MIER1: variants seen among roughly 807,000 people sequenced by gnomAD.
MIER1 encodes MIER1 transcriptional regulator.
A neutral mutation model predicts 75.7 loss-of-function variants in MIER1; 40 were observed. The ratio of observed to expected loss-of-function variants is 0.53; its 90% CI spans 0.41 to 0.69. MIER1 has a LOEUF of 0.69. Among genes scored for constraint, MIER1 ranks in the 30% least tolerant of loss-of-function variants. The pLI, the probability that MIER1 is intolerant of heterozygous loss-of-function variation, is 0.00. For missense variants in MIER1, 574 were observed against 680.2 expected, an observed-to-expected ratio of 0.84 and a Z score of 1.74; for synonymous variants, 213 against 223.4, an observed-to-expected ratio of 0.95 and a Z score of 0.42.
At chr1:66,958,277 T>G (rs1660566472) in intron 5 of MIER1, 57 bp downstream of exon 5, 1 of 1,212,504 alleles carries the variant, frequency 8.2e-7, no homozygotes, top group Non-Finnish European at 1.1e-6. Context: ...GAAGTTAAAA[T>G]TGCTTAATAT....
At chr1:66,978,950 T>TAAGA (rs1360476712) in intron 12 of MIER1, among the ~76,000 whole-genome samples, 1 of 152,216 alleles carries the variant, frequency 6.6e-6, no homozygotes, top group Non-Finnish European at 1.5e-5. Context: ...AGGTTAAATA[T>TAAGA]TCTTTAGGTA....
chr1:66,947,940 T>C, intron 4 of MIER1: 1 of 985,478 alleles, frequency 1.0e-6, no homozygotes, highest in Non-Finnish European at 1.2e-6. Flanking sequence ...GGGTTCGGTG[T>C]TGCCTCCTCA....
At chr1:66,925,364 C>T in intron 1 of MIER1, 1 of 985,410 alleles carries the variant, frequency 1.0e-6, no homozygotes, top group South Asian at 4.7e-5. Context: ...TGGCGCCGCG[C>T]TGGGAATCCG....
In MIER1 at chr1:66,967,486, G is replaced by A. The variant is rs571027223; in HGVS notation, c.773-3322G>A. 2.0e-5 allele frequency among the ~76,000 whole-genome samples: 3 copies of A among 152,106 alleles called. No homozygotes were observed. The East Asian group carries it at 5.8e-4, about 29-fold the overall frequency. ...TAGCTTTGGCTATTCTGAGTCTTTT[G>A]TGGTTCCATATAAATTTTAGGAACT... On this transcript the variant is annotated intron_variant, in intron 8 of 13. Transcript: ENST00000401041.
intron 4 of MIER1, among the ~76,000 whole-genome samples, chr1:66,950,747 G>T (rs2101585103): frequency 6.6e-6 from 1 of 151,682 alleles, no homozygotes; most frequent in Non-Finnish European, 1.5e-5. Context: ...TCAGTGTGAG[G>T]ATTATAAAGA....
chr1:66,971,279 G>T (rs1056446369), intron 9 of MIER1, among the ~76,000 whole-genome samples: 1 of 151,998 alleles, frequency 6.6e-6, no homozygotes, highest in Non-Finnish European at 1.5e-5. Context: ...TACATGGTAA[G>T]ACCAGTGCCT....
chr1:66,970,673 G>A, intron 8 of MIER1, 135 bp from the exon 9 acceptor site: 1 of 557,774 alleles, frequency 1.8e-6, no homozygotes, highest in Non-Finnish European at 3.0e-6. Context: ...CAAGAACGAA[G>A]TCAGGCAAGT....
chr1:66,926,905 CAGAT>C (rs774094724), intron 2 of MIER1, among the ~76,000 whole-genome samples: 1 of 152,052 alleles, frequency 6.6e-6, no homozygotes, highest in East Asian at 1.9e-4. Context: ...GATTGCATAA[CAGAT>C]AGGTTTATAT....
At chr1:66,977,116 T>C (rs184741773) in intron 12 of MIER1, among the ~76,000 whole-genome samples, 8 of 151,896 alleles carry the variant, frequency 5.3e-5, no homozygotes, top group Admixed American at 4.6e-4. Context: ...TAATCTTCTT[T>C]TTTTTTTTTT....
At position 66,929,250 on chromosome 1, in the gene MIER1, A is replaced by G; in HGVS notation, c.168+3008A>G. On this transcript the variant is annotated intron_variant, in intron 2 of 13. Transcript: ENST00000401041. The stretch of plus-strand genomic sequence containing the variant: ...AGGAATGAATAATTCTCGTATTTAA[A>G]TGGTTGATTTTGGTAGCCACTTTTG... 3 of 360,154 alleles carry G rather than the reference A, an allele frequency of 8.3e-6. No individual in the cohort carries two copies. In the South Asian group the frequency reaches 9.2e-5, roughly 11 times the overall value. The allele number at this position is 360,154 out of a possible 1,614,324, so 22.3% of individuals were successfully genotyped here.
intron 11 of MIER1, among the ~76,000 whole-genome samples, chr1:66,973,243 A>G (rs369200191): frequency 6.6e-6 from 1 of 152,034 alleles, no homozygotes. Context: ...ATGTTAATCA[A>G]CTTCTAGTTG....
chr1:66,963,915 A>C (rs1291698675), intron 8 of MIER1, among the ~76,000 whole-genome samples: 1 of 152,120 alleles, frequency 6.6e-6, no homozygotes, highest in Non-Finnish European at 1.5e-5. Flanking sequence ...CTGAGGAAAA[A>C]AATAAAGAAA....
intron 8 of MIER1, among the ~76,000 whole-genome samples, chr1:66,969,640 T>G (rs1663201130): frequency 6.6e-6 from 1 of 151,980 alleles, no homozygotes; most frequent in African/African-American, 2.4e-5. Flanking sequence ...AAAAGAAATT[T>G]TGACGCTGTT....
In MIER1 at chr1:66,988,466, C is replaced by T. The variant is rs1667054604; in HGVS notation, c.*3566C>T. Reference sequence around the variant, plus strand: ...TTTTCTAATACCAGTTTTCCATAAACTCTTGTCATGTACCCTTAGTATTGT... The same window carrying T: ...TTTTCTAATACCAGTTTTCCATAAATTCTTGTCATGTACCCTTAGTATTGT... On this transcript the variant is annotated 3_prime_UTR_variant, in exon 14 of 14. Coordinates refer to ENST00000401041, the MANE Select transcript of MIER1 (RefSeq NM_001077700.3). The T allele has an allele frequency of 1.3e-5, 2 of 152,302 alleles. No homozygotes were observed. The highest frequency in any genetic ancestry group is 4.8e-5 in the African/African-American group (2 of 41,446). The allele number at this position is 152,302 out of a possible 1,614,324, so 9.4% of individuals were successfully genotyped here. A position where few individuals can be genotyped will look rare whatever the true frequency, so the allele number is the denominator to read the frequency against.
chr1:66,930,780 A>T (rs930944819), intron 2 of MIER1, among the ~76,000 whole-genome samples: 2 of 152,080 alleles, frequency 1.3e-5, no homozygotes, highest in African/African-American at 2.4e-5. Context: ...CCTAACCGAG[A>T]TGCTGTTGCG....
rs1232513683 is a variant in MIER1, at chr1:66,988,521, G to T, written c.*3621G>T. 1 of 151,826 alleles carries T rather than the reference G, an allele frequency of 6.6e-6. No individual in the cohort carries two copies. The highest frequency in any genetic ancestry group is 1.9e-4 in the East Asian group (1 of 5,330). The allele number at this position is 151,826 out of a possible 1,614,324, so 9.4% of individuals were successfully genotyped here. A position where few individuals can be genotyped will look rare whatever the true frequency, so the allele number is the denominator to read the frequency against. ...ATCTTTTGCCAACTATACGGACGTGGAGTTTTTCCTTTTCAGAATATGATT... is the reference window on the plus strand; with the variant it reads ...ATCTTTTGCCAACTATACGGACGTGTAGTTTTTCCTTTTCAGAATATGATT... On this transcript the variant is annotated 3_prime_UTR_variant, in exon 14 of 14. Coordinates refer to ENST00000401041, the MANE Select transcript of MIER1 (RefSeq NM_001077700.3).
intron 2 of MIER1, among the ~76,000 whole-genome samples, chr1:66,937,007 A>T (rs1655031176): frequency 2.7e-5 from 4 of 150,784 alleles, no homozygotes; most frequent in Admixed American, 1.3e-4. Flanking sequence ...TCAAAAAAAA[A>T]AAAAAAAAAA....
intron 8 of MIER1, among the ~76,000 whole-genome samples, chr1:66,965,096 AG>A (rs965337542): frequency 2.6e-5 from 4 of 152,256 alleles, no homozygotes; most frequent in African/African-American, 7.2e-5. Context: ...TGCAAGATAT[AG>A]GAACATTGAA....
chr1:66,964,650 C>T (rs1444590032), intron 8 of MIER1, among the ~76,000 whole-genome samples: 2 of 150,910 alleles, frequency 1.3e-5, no homozygotes, highest in Admixed American at 6.6e-5. Flanking sequence ...TGAGGTTTCT[C>T]CATGTCGGTC....
Sources: gnomAD v4.1 joint callset for allele counts (sites outside exome capture counted in the v4.1 genomes callset) on GRCh38, gnomAD v4.1.1 for gene constraint, MANE v1.5 for transcripts, NCBI Gene and HGNC (gene_info 2026-07-23, HGNC 2026-07-21) for gene names.